The following IMPDH1 variants were observed in gnomAD, a reference collection of about 807,000 sequenced individuals.
The protein encoded by IMPDH1 is inosine monophosphate dehydrogenase 1.
Under a neutral mutation model 73.5 loss-of-function variants are expected in IMPDH1, and 41 were observed. The observed-to-expected ratio is 0.56, with a 90% CI of 0.43 to 0.72. The LOEUF (loss-of-function observed/expected upper bound fraction) is 0.72, where lower values mean the gene tolerates loss of function less well. IMPDH1 is among the 30% of genes least tolerant of loss of function. IMPDH1 has a pLI of 0.00. For synonymous variants in IMPDH1, 318 were observed against 334.3 expected (o/e 0.95, Z 0.53); for missense variants, 645 against 824.8 (o/e 0.78, Z 2.67).
At position 128,400,831 on chromosome 7, in the gene IMPDH1, C is replaced by A; in HGVS notation, c.565G>T (p.Val189Leu). 1 of 1,614,166 alleles carries A rather than the reference C, an allele frequency of 6.2e-7. No individual in the cohort carries two copies. The highest frequency in any genetic ancestry group is 8.5e-7 in the Non-Finnish European group (1 of 1,179,984). Residue 189 changes from valine to leucine, a missense_variant, in exon 7 of 17, where the codon GTG becomes TTG. Val to Leu is a conservative substitution (Grantham distance 32, BLOSUM62 1). Transcript: ENST00000338791. ...NCTPEFQANE[V>L]RKVKKFEQGF... is the part of the protein sequence containing the mutation. ...CTGGTACTTGCCTTGACCTTCCGCA[C>A]CTCGTTGGCCTGGAACTCTGGGGTG...
chr7:128,409,533 C>T (rs1353000404), intron 1 of IMPDH1, 49 bp from the exon 2 acceptor site: 1 of 1,603,694 alleles, frequency 6.2e-7, no homozygotes, highest in Non-Finnish European at 8.5e-7. Flanking sequence ...TCCTCCGCTC[C>T]CCCGTGCAAC....
chr7:128,393,229 C>T (rs888344284), intron 16 of IMPDH1, among the ~76,000 whole-genome samples: 7 of 152,240 alleles, frequency 4.6e-5, no homozygotes, highest in East Asian at 1.9e-4. Flanking sequence ...CCCTGAAGAA[C>T]CATGCTGGGT....
In IMPDH1 at chr7:128,401,094, C is replaced by T. The variant is rs552026245; in HGVS notation, c.425G>A (p.Arg142Gln). The T allele has an allele frequency of 9.3e-6, 15 of 1,613,778 alleles. No homozygotes were observed. The South Asian group carries it at 1.3e-4, about 14-fold the overall frequency. ...CAGTGGCGTCTTCAGCGTGATCTTC[C>T]GGGTCAGGGCTGAGGTCAGGTCCTG... ...DEVDLTSALT[R>Q]KITLKTPLIS... The change falls in exon 6 of 17, where the codon CGG (arginine) becomes CAG (glutamine). Residue 142 changes from arginine to glutamine, a missense_variant. By Grantham distance (43) the Arg-to-Gln change is conservative. This residue lies in a region of IMPDH1 where 459 missense variants were observed against 638.2 expected (regional missense o/e 0.72). Transcript: ENST00000338791.
Position 128,398,382 on chromosome 7 carries a change from C to A in IMPDH1, c.1074+32G>T. ...CCTCCACTCTGCTGAACCACTCATC[C>A]ATCTCCCCCACCACTCAGGCGGGGG... is the stretch of plus-strand genomic sequence containing the variant. On this transcript the variant is annotated intron_variant, in intron 10 of 16. Coordinates refer to ENST00000338791, the MANE Select transcript of IMPDH1 (RefSeq NM_000883.4). This position sits in a 1 kb window ranked among gnomAD's most constrained non-coding sequence, Gnocchi z 4.3. The A allele has an allele frequency of 6.3e-7, 1 of 1,586,776 alleles. No homozygotes were observed. Among genetic ancestry groups the A allele is most frequent in the South Asian group, 1.1e-5 (1 of 90,366 alleles).
chr7:128,400,284 G>GT, intron 8 of IMPDH1, 49 bp downstream of exon 8: 3 of 1,600,568 alleles, frequency 1.9e-6, no homozygotes. Flanking sequence ...AGGCCCCAGC[G>GT]TGAGGGTCCT....
chr7:128,395,224 A>G lies in IMPDH1; in HGVS notation c.1312T>C (p.Tyr438His), dbSNP rs745467339. Reference protein sequence around the residue: ...QGTAVYKVAEYARRFGVPIIA... With the variant: ...QGTAVYKVAEHARRFGVPIIA... ...ATGGGCACACCAAAGCGCCGGGCAT[A>G]CTCAGCCACCTTGTACACAGCAGTG... Residue 438 changes from tyrosine to histidine, a missense_variant, in exon 13 of 17, where the codon TAT becomes CAT. Tyr to His is a moderately conservative substitution (Grantham distance 83). Transcript: ENST00000338791. The G allele has an allele frequency of 3.1e-6, 5 of 1,613,818 alleles. No individual in the cohort carries two copies. The highest frequency in any genetic ancestry group is 4.2e-6 in the Non-Finnish European group (5 of 1,180,028).
At position 128,396,703 on chromosome 7, in the gene IMPDH1, T is replaced by C. The variant is rs757661849; in HGVS notation, c.1166-8A>G. ...CCTGGGCTGCTGTCACCACTGGGGG[T>C]GGGGATGGGGCAGAGGAACAATGTG... On this transcript the variant is annotated splice_polypyrimidine_tract_variant and splice_region_variant and intron_variant, in intron 11 of 16. Coordinates refer to ENST00000338791, the MANE Select transcript of IMPDH1 (RefSeq NM_000883.4). This position sits in a 1 kb window ranked among gnomAD's most constrained non-coding sequence, Gnocchi z 4.0. The C allele has an allele frequency of 3.9e-6, 6 of 1,549,556 alleles. No individual in the cohort carries two copies. The South Asian group carries it at 7.1e-5, about 18-fold the overall frequency.
chr7:128,409,397 A>T, intron 2 of IMPDH1, 44 bp downstream of exon 2: 1 of 1,614,166 alleles, frequency 6.2e-7, no homozygotes, highest in Non-Finnish European at 8.5e-7. Flanking sequence ...TCAGTCGGAC[A>T]GGACTCCAGC....
In IMPDH1 at chr7:128,394,547, T is replaced by C. The variant is rs141572081; in HGVS notation, c.1603A>G (p.Lys535Glu). Residue 535 changes from lysine (K) to glutamate (E), a missense_variant, in exon 15 of 17, where the codon AAA becomes GAA. Around this residue, in one of 2 missense-constraint regions of IMPDH1, gnomAD observed 459 missense variants for 638.2 expected, o/e 0.72. Transcript: ENST00000338791. The surrounding 1 kb of genome is among the most constrained non-coding windows in gnomAD (Gnocchi z 5.5). ...GGCACGAACTTCTGAATGGATCCTTTGTCCTGGATGGAGCCCGAGACACCC... is the reference window on the plus strand; with the variant it reads ...GGCACGAACTTCTGAATGGATCCTTCGTCCTGGATGGAGCCCGAGACACCC... ...AQGVSGSIQDKGSIQKFVPYL... is the reference protein window; with the variant it reads ...AQGVSGSIQDEGSIQKFVPYL... 1.7e-5 allele frequency: 28 copies of C among 1,613,848 alleles called. No individual in the cohort carries two copies. In the African/African-American group the frequency reaches 3.2e-4, roughly 18 times the overall value.
At chr7:128,393,179 G>C (rs937678314) in intron 16 of IMPDH1, 151 bp from the exon 17 acceptor site, 3 of 849,626 alleles carry the variant, frequency 3.5e-6, no homozygotes, top group Admixed American at 2.0e-5. Flanking sequence ...GGAGGGCCTG[G>C]AGCAGGCCCT....
chr7:128,392,533 C>T lies in IMPDH1; in HGVS notation c.*474G>A. 5.7e-6 allele frequency: 1 copy of T among 175,414 alleles called. No homozygotes were observed. Among genetic ancestry groups the T allele is most frequent in the Non-Finnish European group, 1.2e-5 (1 of 82,120 alleles). 10.9% of individuals were successfully genotyped at this position (175,414 alleles called of 1,614,324 possible). On this transcript the variant is annotated 3_prime_UTR_variant, in exon 17 of 17. Transcript: ENST00000338791. ...GGTAGCCCAGGGCCGGGGAAGGGGGCAGAGACCTCCCCTTGGCCTAGGTCA... is the reference window on the plus strand; with the variant it reads ...GGTAGCCCAGGGCCGGGGAAGGGGGTAGAGACCTCCCCTTGGCCTAGGTCA...
Position 128,398,318 on chromosome 7 carries a change from G to A in IMPDH1, c.1074+96C>T. 3 of 948,176 alleles carry A rather than the reference G, an allele frequency of 3.2e-6. No individual in the cohort carries two copies. Among genetic ancestry groups the A allele is most frequent in the Non-Finnish European group, 3.4e-6 (2 of 594,818 alleles). 58.7% of individuals were successfully genotyped at this position (948,176 alleles called of 1,614,324 possible). A position where few individuals can be genotyped will look rare whatever the true frequency, so the allele number is the denominator to read the frequency against. On this transcript the variant is annotated intron_variant, in intron 10 of 16. Transcript: ENST00000338791. This position sits in a 1 kb window ranked among gnomAD's most constrained non-coding sequence, Gnocchi z 4.3. ...AGAGAGGAAGAGTAGCAAGGGAGGG[G>A]CACAGGCTTAATCAGAGGTGAACCT...
At position 128,405,823 on chromosome 7, in the gene IMPDH1, G is replaced by C. The variant is rs1415042353; in HGVS notation, c.297C>G (p.Pro99=). The C allele has an allele frequency of 1.9e-6, 3 of 1,541,338 alleles. No homozygotes were observed. Among genetic ancestry groups the C allele is most frequent in the Admixed American group, 3.9e-5 (2 of 50,788 alleles). ...YLISGGTGYV[P]EDGLTAQQLF... Reference sequence around the variant, plus strand: ...GCTGCTGCGCGGTGAGCCCATCCTCGGGCACGTAGCCGGTGCCGCCGCTGA... The same window carrying C: ...GCTGCTGCGCGGTGAGCCCATCCTCCGGCACGTAGCCGGTGCCGCCGCTGA... Residue 99 remains proline, a synonymous_variant, in exon 4 of 17, where the codon CCC becomes CCG. Transcript: ENST00000338791.
chr7:128,405,958 C>G (rs891413120), intron 3 of IMPDH1, 93 bp from the exon 4 acceptor site: 52 of 1,179,288 alleles, frequency 4.4e-5, no homozygotes, highest in Middle Eastern at 6.8e-4. Flanking sequence ...CGCCGCGCCG[C>G]GGCCACGCTG....
intron 5 of IMPDH1, 93 bp downstream of exon 5, chr7:128,403,613 C>T: frequency 9.4e-7 from 1 of 1,069,512 alleles, no homozygotes; most frequent in Non-Finnish European, 1.5e-6. Context: ...AGAAAAGTCT[C>T]TCCATCTCTC....
Position 128,396,663 on chromosome 7 carries a change from C to G in IMPDH1, c.1198G>C (p.Asp400His). 3 of 1,555,332 alleles carry G rather than the reference C, an allele frequency of 1.9e-6. No homozygotes were observed. The highest frequency in any genetic ancestry group is 2.6e-6 in the Non-Finnish European group (3 of 1,148,750). Reference protein sequence around the residue: ...VTAAQAKNLIDAGVDGLRVGM... With the variant: ...VTAAQAKNLIHAGVDGLRVGM... ...ACGCGCAGCCCGTCCACACCAGCATCAATCAGGTTCTTGGCCTGGGCTGCT... is the reference window on the plus strand; with the variant it reads ...ACGCGCAGCCCGTCCACACCAGCATGAATCAGGTTCTTGGCCTGGGCTGCT... Residue 400 changes from aspartate to histidine, a missense_variant, in exon 12 of 17, where the codon GAT becomes CAT. Asp to His is a moderately conservative substitution (Grantham distance 81, BLOSUM62 -1). Coordinates refer to ENST00000338791, the MANE Select transcript of IMPDH1 (RefSeq NM_000883.4). The surrounding 1 kb of genome is among the most constrained non-coding windows in gnomAD (Gnocchi z 4.0).
Position 128,409,974 on chromosome 7 carries a change from C to A in IMPDH1, c.-73G>T. ...CCCCGGCTGGGCAGTGAGCGCAGCC[C>A]GGTCGAGTCCCGAGGAGGGGCGGGG... is the stretch of plus-strand genomic sequence containing the variant. On this transcript the variant is annotated 5_prime_UTR_variant, in exon 1 of 17. Transcript: ENST00000338791. 1.6e-6 allele frequency: 2 copies of A among 1,250,590 alleles called. No individual in the cohort carries two copies. The highest frequency in any genetic ancestry group is 2.0e-6 in the Non-Finnish European group (2 of 986,950). The allele number at this position is 1,250,590 out of a possible 1,614,324, so 77.5% of individuals were successfully genotyped here.
intron 4 of IMPDH1, 55 bp downstream of exon 4, chr7:128,405,712 C>A: frequency 6.6e-7 from 1 of 1,508,878 alleles, no homozygotes; most frequent in Non-Finnish European, 8.9e-7. Flanking sequence ...AGGGCCGGCC[C>A]GGGGGTCGCG....
chr7:128,409,196 T>C (rs1294355847), intron 3 of IMPDH1, 93 bp downstream of exon 3: 15 of 1,130,788 alleles, frequency 1.3e-5, no homozygotes, highest in Non-Finnish European at 2.0e-5. Flanking sequence ...GACCCCAGCA[T>C]GGGGGCCTGC....
Sources: gnomAD v4.1 joint callset for allele counts (sites outside exome capture counted in the v4.1 genomes callset) on GRCh38, gnomAD v4.1.1 for gene constraint, gnomAD v4.1.1 regional missense constraint, Gnocchi (gnomAD v3.1) non-coding constraint, MANE v1.5 for transcripts, NCBI Gene and HGNC (gene_info 2026-07-23, HGNC 2026-07-21) for gene names.